Variants in GPBP1L1 observed in about 807,000 individuals in gnomAD.
The protein encoded by GPBP1L1 is GC-rich promoter binding protein 1 like 1, also known as vasculin-like protein 1.
A neutral mutation model predicts 52.5 loss-of-function variants in GPBP1L1; 23 were observed. That is an observed-to-expected ratio of 0.44 (90% CI 0.32 to 0.62). The LOEUF (loss-of-function observed/expected upper bound fraction) is 0.62, where lower values mean the gene tolerates loss of function less well. Ranked by LOEUF, GPBP1L1 falls within the 20% of genes least tolerant of loss-of-function variation. GPBP1L1 has a pLI of 0.06. For missense variants in GPBP1L1, 596 were observed against 579.3 expected, an observed-to-expected ratio of 1.03 and a Z score of -0.30; for synonymous variants, 243 against 203.1, an observed-to-expected ratio of 1.20 and a Z score of -1.67.
At chr1:45,650,074 T>C (rs1644802473) in intron 6 of GPBP1L1, among the ~76,000 whole-genome samples, 1 of 152,210 alleles carries the variant, frequency 6.6e-6, no homozygotes, top group South Asian at 2.1e-4. Flanking sequence ...ATATTAATAT[T>C]GCTCCCAATA....
intron 2 of GPBP1L1, among the ~76,000 whole-genome samples, chr1:45,669,432 T>G (rs921487139): frequency 1.3e-5 from 2 of 152,238 alleles, no homozygotes; most frequent in African/African-American, 4.8e-5. Context: ...ATTGTAGGTG[T>G]GAGCCACTGT....
intron 5 of GPBP1L1, 76 bp downstream of exon 5, chr1:45,655,114 C>T (rs988440166): frequency 8.4e-6 from 13 of 1,549,382 alleles, no homozygotes; most frequent in Non-Finnish European, 1.2e-5. Context: ...TTCAAGATTA[C>T]AGACATGTAC....
rs145434382 is a variant in GPBP1L1, at chr1:45,654,043, A to G, written c.477+500T>C. On this transcript the variant is annotated intron_variant, in intron 6 of 12. Transcript: ENST00000355105. ...AAAATATATTTAAAACATTTTAAAG[A>G]TACTCTGAAAATGCTACCTTTGATT... Among the ~76,000 whole-genome samples, 23 of 152,300 alleles carry G rather than the reference A, an allele frequency of 1.5e-4. No individual in the cohort carries two copies. The East Asian group carries it at 3.3e-3, about 22-fold the overall frequency.
At chr1:45,633,824 A>G in intron 9 of GPBP1L1, 177 bp from the exon 10 acceptor site, 1 of 706,602 alleles carries the variant, frequency 1.4e-6, no homozygotes, top group Non-Finnish European at 2.3e-6. Context: ...TATAGTTAAG[A>G]GCAGCTGGCT....
At chr1:45,635,027 T>C (rs1248882659) in intron 8 of GPBP1L1, 1 of 152,240 alleles carries the variant, frequency 6.6e-6, no homozygotes, top group African/African-American at 2.4e-5. Context: ...ATTCCCTTCC[T>C]GGTTGCTTTC....
At chr1:45,667,673 C>T (rs1477563702) in intron 2 of GPBP1L1, among the ~76,000 whole-genome samples, 1 of 152,192 alleles carries the variant, frequency 6.6e-6, no homozygotes, top group African/African-American at 2.4e-5. Flanking sequence ...TAACAAAAAA[C>T]TGTATCCAAT....
intron 2 of GPBP1L1, among the ~76,000 whole-genome samples, chr1:45,675,077 T>C (rs1261103916): frequency 6.6e-6 from 1 of 152,120 alleles, no homozygotes; most frequent in South Asian, 2.1e-4. Flanking sequence ...GGTGGGCAGA[T>C]CACAAGGTCA....
At chr1:45,642,972 C>A (rs1447076864) in intron 6 of GPBP1L1, among the ~76,000 whole-genome samples, 2 of 152,096 alleles carry the variant, frequency 1.3e-5, no homozygotes, top group African/African-American at 4.8e-5. Flanking sequence ...CAATAAAGAG[C>A]CCCTGTCTTC....
In GPBP1L1 at chr1:45,660,673, G is replaced by GA; in HGVS notation, c.-546dup. On this transcript the variant is annotated 5_prime_UTR_variant, in exon 3 of 13. It removes the in-frame stop codon of an upstream open reading frame in the 5' UTR. Transcript: ENST00000355105. Reference sequence around the variant, plus strand: ...TCAAAAATATTAAAGCCCTATAAAAGATCTGAGCAGTCAACTCCAAAACAT... The same window carrying GA: ...TCAAAAATATTAAAGCCCTATAAAAGAATCTGAGCAGTCAACTCCAAAACAT... 2.2e-6 allele frequency: 1 copy of GA among 445,976 alleles called. No homozygotes were observed. The highest frequency in any genetic ancestry group is 3.0e-6 in the Non-Finnish European group (1 of 337,110). 27.6% of individuals were successfully genotyped at this position (445,976 alleles called of 1,614,324 possible).
intron 6 of GPBP1L1, among the ~76,000 whole-genome samples, chr1:45,647,811 T>C (rs1030447181): frequency 1.3e-5 from 2 of 152,142 alleles, no homozygotes; most frequent in Non-Finnish European, 1.5e-5. Flanking sequence ...AACTGAGCCC[T>C]TTCTAACCAG....
intron 2 of GPBP1L1, among the ~76,000 whole-genome samples, chr1:45,677,580 T>C (rs1041687576): frequency 4.6e-5 from 7 of 151,216 alleles, no homozygotes; most frequent in Non-Finnish European, 1.0e-4. Context: ...TGGAGTCTAA[T>C]AAACAAAATC....
Position 45,660,213 on chromosome 1 carries a change from C to G in GPBP1L1, c.-85G>C. Reference sequence around the variant, plus strand: ...GAGTGTAACCTCTGTGGTCCTGTTTCTGAACTCGAGTCGGCCAGCTGGATC... The same window carrying G: ...GAGTGTAACCTCTGTGGTCCTGTTTGTGAACTCGAGTCGGCCAGCTGGATC... On this transcript the variant is annotated 5_prime_UTR_variant, in exon 3 of 13. Coordinates refer to ENST00000355105, the MANE Select transcript of GPBP1L1 (RefSeq NM_021639.5). 1 of 985,364 alleles carries G rather than the reference C, an allele frequency of 1.0e-6. No homozygotes were observed. The highest frequency in any genetic ancestry group is 1.2e-6 in the Non-Finnish European group (1 of 829,928). 61.0% of individuals were successfully genotyped at this position (985,364 alleles called of 1,614,324 possible). A position where few individuals can be genotyped will look rare whatever the true frequency, so the allele number is the denominator to read the frequency against.
intron 7 of GPBP1L1, among the ~76,000 whole-genome samples, chr1:45,641,401 A>AAAAAC (rs755095935): frequency 3.3e-5 from 5 of 151,988 alleles, no homozygotes; most frequent in Admixed American, 6.6e-5. Context: ...TTCTGTCTCA[A>AAAAAC]AAAACAAAAC....
At chr1:45,646,116 C>G (rs1644742228) in intron 6 of GPBP1L1, 1 of 424,924 alleles carries the variant, frequency 2.4e-6, no homozygotes, top group Non-Finnish European at 4.5e-6. Context: ...GGAGCATGGC[C>G]TAGTAAGAAC....
intron 7 of GPBP1L1, among the ~76,000 whole-genome samples, chr1:45,642,189 C>T (rs1423309763): frequency 2.0e-5 from 3 of 152,136 alleles, no homozygotes; most frequent in African/African-American, 7.2e-5. Flanking sequence ...ATTCACGGTT[C>T]TATAAGTTCT....
At position 45,628,214 on chromosome 1, in the gene GPBP1L1, C is replaced by CA. The variant is rs1557690677; in HGVS notation, c.*41dup. 4.4e-6 allele frequency: 7 copies of CA among 1,591,212 alleles called. No homozygotes were observed. The East Asian group carries it at 1.6e-4, about 36-fold the overall frequency. ...TTCTTTTGTATACTCCCTAAACACA[C>CA]AGAGTTTACTGGGTCAGATTTAACT... is the stretch of plus-strand genomic sequence containing the variant. On this transcript the variant is annotated 3_prime_UTR_variant, in exon 13 of 13. Coordinates refer to ENST00000355105, the MANE Select transcript of GPBP1L1 (RefSeq NM_021639.5).
Position 45,647,019 on chromosome 1 carries a change from C to T in GPBP1L1, c.478-4520G>A, listed in dbSNP as rs144495403. Among the ~76,000 whole-genome samples, 27 of 151,892 alleles carry T rather than the reference C, an allele frequency of 1.8e-4. No individual in the cohort carries two copies. The East Asian group carries it at 2.9e-3, about 16-fold the overall frequency. On this transcript the variant is annotated intron_variant, in intron 6 of 12. Transcript: ENST00000355105. ...CTCCTTCATTTAAAAAATTTTCCTT[C>T]GCTGTCTAATTCTTGAAAAATATTA...
chr1:45,681,467 A>G (rs954053519), intron 2 of GPBP1L1, among the ~76,000 whole-genome samples: 2 of 152,206 alleles, frequency 1.3e-5, no homozygotes, highest in African/African-American at 4.8e-5. Context: ...ATGGCAGCCA[A>G]TTGCAGTTTG....
intron 8 of GPBP1L1, 71 bp downstream of exon 8, chr1:45,640,139 T>C: frequency 5.6e-6 from 7 of 1,255,702 alleles, no homozygotes; most frequent in Admixed American, 2.1e-5. Context: ...AAAAACAAAT[T>C]TATTAATTTT....
Sources: gnomAD v4.1 joint callset for allele counts (sites outside exome capture counted in the v4.1 genomes callset) on GRCh38, gnomAD v4.1.1 for gene constraint, MANE v1.5 for transcripts, NCBI Gene and HGNC (gene_info 2026-07-23, HGNC 2026-07-21) for gene names.